The following NPSR1 variants were observed in gnomAD, a reference collection of about 807,000 sequenced individuals.
NPSR1 encodes neuropeptide S receptor 1.
A neutral mutation model predicts 46.9 loss-of-function variants in NPSR1; 48 were observed. That is an observed-to-expected ratio of 1.02 (90% CI 0.81 to 1.30). The LOEUF is 1.30. Among genes scored for constraint, NPSR1 ranks in the 50% most tolerant of loss-of-function variants. The pLI, the probability that NPSR1 is intolerant of heterozygous loss-of-function variation, is 0.00. For missense variants in NPSR1, 450 were observed against 449.5 expected (o/e 1.00, Z -0.01); for synonymous variants, 176 against 168.1 (o/e 1.05, Z -0.36).
intron 2 of NPSR1, among the ~76,000 whole-genome samples, chr7:34,702,904 G>A (rs1000588927): frequency 6.6e-6 from 1 of 152,140 alleles, no homozygotes; most frequent in Non-Finnish European, 1.5e-5. Context: ...TCTAGAACCC[G>A]CTAGCATAGA....
chr7:34,802,885 C>T (rs1232264607), intron 3 of NPSR1, among the ~76,000 whole-genome samples: 1 of 150,336 alleles, frequency 6.7e-6, no homozygotes, highest in Non-Finnish European at 1.5e-5. Context: ...AAACAAACAA[C>T]CCCATCAAAA....
At position 34,863,759 on chromosome 7, in the gene NPSR1, C is replaced by T. The variant is rs771169724; in HGVS notation, c.1026-14317C>T. Reference sequence around the variant, plus strand: ...TGGAGAGGATGTAGAGAAATAGGAACGCTTTTACACTTTGGTGGGAGTGTA... The same window carrying T: ...TGGAGAGGATGTAGAGAAATAGGAATGCTTTTACACTTTGGTGGGAGTGTA... On this transcript the variant is annotated intron_variant, in intron 8 of 8. Transcript: ENST00000359791. 3.7e-4 allele frequency among the ~76,000 whole-genome samples: 56 copies of T among 151,734 alleles called. 2 individuals are homozygous for T. The highest frequency in any genetic ancestry group is 1.2e-3 in the African/African-American group (48 of 41,020).
intron 2 of NPSR1, among the ~76,000 whole-genome samples, chr7:34,772,945 AGTGCCCTG>A (rs1312449292): frequency 9.9e-5 from 15 of 152,260 alleles, no homozygotes; most frequent in African/African-American, 3.4e-4. Flanking sequence ...AAGAGTCCAA[AGTGCCCTG>A]GTGGCAGCCA....
chr7:34,804,118 T>C (rs1788570051), intron 3 of NPSR1, among the ~76,000 whole-genome samples: 1 of 151,990 alleles, frequency 6.6e-6, no homozygotes, highest in African/African-American at 2.4e-5. Flanking sequence ...AGAAAACAGA[T>C]GAAAAGGGAA....
chr7:34,771,054 C>A (rs1786660987), intron 2 of NPSR1, among the ~76,000 whole-genome samples: 1 of 152,196 alleles, frequency 6.6e-6, no homozygotes, highest in Non-Finnish European at 1.5e-5. Flanking sequence ...CTTGGGCACA[C>A]ATTCAAACTG....
At chr7:34,746,012 T>G (rs1583930309) in intron 2 of NPSR1, among the ~76,000 whole-genome samples, 1 of 152,224 alleles carries the variant, frequency 6.6e-6, no homozygotes, top group African/African-American at 2.4e-5. Flanking sequence ...TTTTGCCTAA[T>G]GGATTCAGAG....
intron 2 of NPSR1, among the ~76,000 whole-genome samples, chr7:34,692,405 A>C (rs1007225213): frequency 1.3e-5 from 2 of 152,212 alleles, no homozygotes; most frequent in African/African-American, 4.8e-5. Flanking sequence ...GGCACCTTCA[A>C]AAATACACAA....
chr7:34,719,427 G>GGTTA (rs2128706664), intron 2 of NPSR1: 1 of 152,328 alleles, frequency 6.6e-6, no homozygotes, highest in East Asian at 1.9e-4. Flanking sequence ...TGGAGTCACA[G>GGTTA]GTTAGCAAGC....
At chr7:34,825,625 G>A (rs1050394581) in intron 4 of NPSR1, among the ~76,000 whole-genome samples, 2 of 152,148 alleles carry the variant, frequency 1.3e-5, no homozygotes. Flanking sequence ...AGGGAGGGTG[G>A]AAGGTCACTG....
chr7:34,740,074 T>C (rs1045100526), intron 2 of NPSR1, among the ~76,000 whole-genome samples: 2 of 152,096 alleles, frequency 1.3e-5, no homozygotes, highest in African/African-American at 4.8e-5. Flanking sequence ...TGGGAAGTCT[T>C]AGTGCAGCTG....
At chr7:34,848,699 T>C (rs750619094) in intron 8 of NPSR1, 36 bp downstream of exon 8, 3 of 1,580,606 alleles carry the variant, frequency 1.9e-6, no homozygotes, top group Admixed American at 1.7e-5. Context: ...GACACACTGA[T>C]GGCCATTGCA....
intron 1 of NPSR1, among the ~76,000 whole-genome samples, chr7:34,674,325 T>C (rs1300343896): frequency 6.6e-6 from 1 of 152,230 alleles, no homozygotes; most frequent in Admixed American, 6.5e-5. Context: ...AACTTTGCTA[T>C]CTGCTCCTAC....
At chr7:34,858,043 T>C (rs185971228) in intron 8 of NPSR1, among the ~76,000 whole-genome samples, 78 of 151,972 alleles carry the variant, frequency 5.1e-4, no homozygotes, top group African/African-American at 1.7e-3. Context: ...CAATATCAAA[T>C]GTTGCTGAGG....
chr7:34,847,586 C>T (rs1265919210), intron 7 of NPSR1, among the ~76,000 whole-genome samples: 1 of 152,116 alleles, frequency 6.6e-6, no homozygotes, highest in Admixed American at 6.5e-5. Flanking sequence ...AGTTTGATTC[C>T]AAGTGTGAAG....
Position 34,831,313 on chromosome 7 carries a change from TCACACACACA to T in NPSR1, c.681-3052_681-3043del, listed in dbSNP as rs34669905. 1.3e-4 allele frequency among the ~76,000 whole-genome samples: 20 copies of T among 148,176 alleles called. No individual in the cohort carries two copies. The East Asian group carries it at 3.8e-3, about 28-fold the overall frequency. On this transcript the variant is annotated intron_variant, in intron 5 of 8. Coordinates refer to ENST00000360581, the MANE Select transcript of NPSR1 (RefSeq NM_207172.2). ...TCTCTCTCTCTGTCTCTCACACACATCACACACACACACACACACACACACACAAACACAC... is the reference window on the plus strand; with the variant it reads ...TCTCTCTCTCTGTCTCTCACACACATCACACACACACACACACAAACACAC...
intron 2 of NPSR1, among the ~76,000 whole-genome samples, chr7:34,699,489 A>G (rs1435922225): frequency 6.6e-6 from 1 of 152,230 alleles, no homozygotes; most frequent in African/African-American, 2.4e-5. Flanking sequence ...AAAATAATAT[A>G]AACTGTGTGG....
intron 6 of NPSR1, among the ~76,000 whole-genome samples, chr7:34,836,165 C>T (rs1306433661): frequency 2.0e-5 from 3 of 152,162 alleles, no homozygotes; most frequent in African/African-American, 7.2e-5. Context: ...GCAGTCTCCA[C>T]ACCCTGGTTT....
chr7:34,868,464 A>G (rs186570590), intron 8 of NPSR1, among the ~76,000 whole-genome samples: 3,373 of 151,782 alleles, frequency 0.022, 219 homozygotes, highest in African/African-American at 0.078. Context: ...TAAGCCCCAA[A>G]GTCAAGGAAA....
At chr7:34,755,377 A>C (rs548220333) in intron 2 of NPSR1, among the ~76,000 whole-genome samples, 1 of 152,326 alleles carries the variant, frequency 6.6e-6, no homozygotes, top group South Asian at 2.1e-4. Flanking sequence ...AATACGTAGA[A>C]TGATTTAATT....
Sources: allele counts gnomAD v4.1 joint callset (sites outside exome capture counted in the v4.1 genomes callset), GRCh38; gene constraint gnomAD v4.1.1; transcripts MANE v1.5; gene names NCBI Gene and HGNC (gene_info 2026-07-23, HGNC 2026-07-21).